Variants in MYO5B observed in about 807,000 individuals in gnomAD.
MYO5B encodes the protein myosin VB.
In MYO5B, 143 loss-of-function variants were observed where a neutral mutation model predicts 229.3. The observed-to-expected ratio is 0.62, with a 90% confidence interval of 0.54 to 0.72. The LOEUF is 0.72. MYO5B is among the 30% of genes least tolerant of loss of function. The pLI is 0.00. For missense variants in MYO5B, 2,321 were observed against 2,331.0 expected, an observed-to-expected ratio of 1.00 and a Z score of 0.09; for synonymous variants, 918 against 885.2, an observed-to-expected ratio of 1.04 and a Z score of -0.66.
intron 7 of MYO5B, among the ~76,000 whole-genome samples, chr18:49,986,828 G>A (rs1568059818): frequency 6.6e-6 from 1 of 152,138 alleles, no homozygotes; most frequent in Non-Finnish European, 1.5e-5. Flanking sequence ...AGCAAACTGA[G>A]TAACATGGGG....
rs575319209 is a variant in MYO5B, at chr18:50,143,169, T to C, written c.27+51598A>G. Among the ~76,000 whole-genome samples the C allele has an allele frequency of 3.8e-4, 58 of 152,310 alleles. No individual in the cohort carries two copies. The South Asian group carries it at 0.011, about 28-fold the overall frequency. ...GTATCTAACCCTGAGCACTGCACAC[T>C]AAGAAGGTCATTGACAAACTAGTGA... is the stretch of plus-strand genomic sequence containing the variant. On this transcript the variant is annotated intron_variant, in intron 1 of 39. Transcript: ENST00000285039.
Position 49,834,741 on chromosome 18 carries a change from C to G in MYO5B, c.5394+603G>C, listed in dbSNP as rs139069172. On this transcript the variant is annotated intron_variant, in intron 39 of 39. Coordinates refer to ENST00000285039, the MANE Select transcript of MYO5B (RefSeq NM_001080467.3). ...GCAAGCTCCGCCTCCCAGGTTCACGCCATTCTCCTGCCTCAGCCTCCCGAG... is the reference window on the plus strand; with the variant it reads ...GCAAGCTCCGCCTCCCAGGTTCACGGCATTCTCCTGCCTCAGCCTCCCGAG... 8.7e-3 allele frequency among the ~76,000 whole-genome samples: 1,330 copies of G among 152,220 alleles called. 38 individuals are homozygous for G. In the South Asian group the frequency reaches 0.12, roughly 13 times the overall value.
At chr18:49,840,684 C>T (rs181798823) in intron 35 of MYO5B, among the ~76,000 whole-genome samples, 1 of 152,320 alleles carries the variant, frequency 6.6e-6, no homozygotes, top group African/African-American at 2.4e-5. Flanking sequence ...AGAATGGAAA[C>T]AAGCCACATA....
chr18:50,185,753 C>A (rs1458388067), intron 1 of MYO5B, among the ~76,000 whole-genome samples: 1 of 152,204 alleles, frequency 6.6e-6, no homozygotes, highest in Non-Finnish European at 1.5e-5. Context: ...CAGTATATGG[C>A]ATCAGATCTT....
chr18:49,878,847 G>A, intron 24 of MYO5B, 98 bp downstream of exon 24: 2 of 1,392,794 alleles, frequency 1.4e-6, no homozygotes, highest in Admixed American at 3.4e-5. Context: ...CATGGACTGA[G>A]CATCACATAT....
intron 1 of MYO5B, among the ~76,000 whole-genome samples, chr18:50,121,720 T>G (rs1251247569): frequency 6.6e-6 from 1 of 152,134 alleles, no homozygotes; most frequent in Non-Finnish European, 1.5e-5. Flanking sequence ...AAAGACCCTA[T>G]AGCCCCACAA....
chr18:49,936,376 T>C (rs985868139), intron 15 of MYO5B, 27 bp from the exon 16 acceptor site: 1 of 1,532,716 alleles, frequency 6.5e-7, no homozygotes, highest in African/African-American at 1.4e-5. Context: ...CAGTGCTTGG[T>C]TAGTTTTAAC....
At chr18:49,898,109 G>A (rs2024800860) in intron 21 of MYO5B, among the ~76,000 whole-genome samples, 1 of 152,212 alleles carries the variant, frequency 6.6e-6, no homozygotes, top group Non-Finnish European at 1.5e-5. Flanking sequence ...TAGCCTAGGT[G>A]TGTAGCAGGC....
intron 1 of MYO5B, among the ~76,000 whole-genome samples, chr18:50,086,390 T>A (rs2031330543): frequency 7.1e-6 from 1 of 141,400 alleles, no homozygotes; most frequent in Non-Finnish European, 1.5e-5. Flanking sequence ...TAGCATATAC[T>A]ACGTATTCTA....
chr18:49,865,168 A>G (rs537805198), intron 27 of MYO5B, among the ~76,000 whole-genome samples: 2 of 152,354 alleles, frequency 1.3e-5, no homozygotes, highest in African/African-American at 4.8e-5. Flanking sequence ...TTACAGAGCC[A>G]TAGCATGATG....
chr18:49,886,496 C>T (rs551224742), intron 22 of MYO5B, among the ~76,000 whole-genome samples: 62 of 152,198 alleles, frequency 4.1e-4, no homozygotes, highest in African/African-American at 1.3e-3. Flanking sequence ...ATGATAAGCA[C>T]AGTCAGGGAC....
At chr18:49,839,522 C>T (rs930758265) in intron 35 of MYO5B, among the ~76,000 whole-genome samples, 2 of 152,218 alleles carry the variant, frequency 1.3e-5, no homozygotes, top group Non-Finnish European at 2.9e-5. Flanking sequence ...AAGCCTGAAT[C>T]GCTCAGTCCA....
chr18:49,843,741 G>A (rs914728107), intron 33 of MYO5B, among the ~76,000 whole-genome samples: 13 of 152,344 alleles, frequency 8.5e-5, no homozygotes, highest in Admixed American at 3.9e-4. Context: ...AGGGGCCCAT[G>A]GCAAGTGGAA....
chr18:49,916,778 C>T (rs758951523), intron 17 of MYO5B, among the ~76,000 whole-genome samples: 2 of 152,106 alleles, frequency 1.3e-5, no homozygotes, highest in Non-Finnish European at 2.9e-5. Flanking sequence ...AGATGTCGCT[C>T]CCCGAAGGAC....
intron 10 of MYO5B, among the ~76,000 whole-genome samples, chr18:49,964,380 T>A (rs4939608): frequency 1 from 151,579 of 152,290 alleles, 75,441 homozygotes; most frequent in Middle Eastern, 1. Flanking sequence ...TTTTCTCAAC[T>A]TCTGTTGATG....
At chr18:50,043,562 GTA>G (rs1184048228) in intron 2 of MYO5B, among the ~76,000 whole-genome samples, 20 of 117,860 alleles carry the variant, frequency 1.7e-4, no homozygotes, top group East Asian at 2.3e-4. Flanking sequence ...GTATTTATAA[GTA>G]TATATATTTT....
chr18:49,837,884 C>A, intron 36 of MYO5B, 82 bp from the exon 37 acceptor site: 1 of 1,539,912 alleles, frequency 6.5e-7, no homozygotes, highest in Non-Finnish European at 9.0e-7. Context: ...TTTAGTGCTC[C>A]GGGCTTTAGC....
intron 1 of MYO5B, among the ~76,000 whole-genome samples, chr18:50,134,557 TAAATAAA>T (rs2032306813): frequency 1.0e-4 from 1 of 9,916 alleles, no homozygotes; most frequent in African/African-American, 1.5e-4. Flanking sequence ...TCCATCTCAA[TAAATAAA>T]TAAATAAATA....
chr18:49,903,884 C>T (rs557772300), intron 20 of MYO5B, among the ~76,000 whole-genome samples: 2 of 152,326 alleles, frequency 1.3e-5, no homozygotes, highest in Admixed American at 6.5e-5. Context: ...GGGAAGAGGT[C>T]GGGGCCTCCC....
Sources: gnomAD v4.1 joint callset for allele counts (sites outside exome capture counted in the v4.1 genomes callset) on GRCh38, gnomAD v4.1.1 for gene constraint, MANE v1.5 for transcripts, NCBI Gene and HGNC (gene_info 2026-07-23, HGNC 2026-07-21) for gene names.